SHC2: variants seen among roughly 807,000 people sequenced by gnomAD.
SHC2 encodes the protein SHC adaptor protein 2.
Under a neutral mutation model 60.6 loss-of-function variants are expected in SHC2, and 62 were observed. The ratio of observed to expected loss-of-function variants is 1.02; its 90% confidence interval spans 0.83 to 1.26. SHC2 has a LOEUF of 1.26. SHC2 is among the 50% of genes most tolerant of loss of function. SHC2 has a pLI of 0.00. For missense variants in SHC2, 873 were observed against 822.2 expected (o/e 1.06, Z -0.76); for synonymous variants, 375 against 372.4 (o/e 1.01, Z -0.08).
At chr19:435,307 C>T (rs114196282) in intron 7 of SHC2, among the ~76,000 whole-genome samples, 2,004 of 152,358 alleles carry the variant, frequency 0.013, 46 homozygotes, top group African/African-American at 0.045. Context: ...CCCCGAGAGC[C>T]AGAGGGGTGC....
chr19:439,525 T>C (rs985527468), intron 2 of SHC2: 1 of 172,842 alleles, frequency 5.8e-6, no homozygotes, highest in African/African-American at 2.6e-5. Flanking sequence ...AGACCACTGG[T>C]CCCCAGGAGA....
chr19:441,645 A>C lies in SHC2; in HGVS notation c.469-713T>G, dbSNP rs1417659462. On this transcript the variant is annotated intron_variant, in intron 1 of 12. Coordinates refer to ENST00000264554, the MANE Select transcript of SHC2 (RefSeq NM_012435.3). The surrounding 1 kb of genome is among the most constrained non-coding windows in gnomAD (Gnocchi z 4.9). ...TGAAATGTCCTACAGAGGCAGCAAG[A>C]GCATGTGTGGGTGCCAGGAGCCGGG... Among the ~76,000 whole-genome samples the C allele has an allele frequency of 6.6e-6, 1 of 152,192 alleles. No individual in the cohort carries two copies. Among genetic ancestry groups the C allele is most frequent in the African/African-American group, 2.4e-5 (1 of 41,452 alleles).
chr19:430,705 C>T lies in SHC2; in HGVS notation c.1153G>A (p.Asp385Asn), dbSNP rs1317521561. 6.2e-7 allele frequency: 1 copy of T among 1,612,984 alleles called. No homozygotes were observed. Among genetic ancestry groups the T allele is most frequent in the East Asian group, 2.2e-5 (1 of 44,900 alleles). The change falls in exon 9 of 13, where the codon GAC (aspartate) becomes AAC (asparagine). Residue 385 changes from aspartate (D) to asparagine (N), a missense_variant. Asp to Asn is a conservative substitution (Grantham distance 23). Transcript: ENST00000264554. ...SLRDACSLPW[D>N]VGSTGTAPPG... ...CTACCTGTACCGGTGGACCCCACGT[C>T]CCATGGCAGGCTGCAGGCATCTCTT...
intron 4 of SHC2, among the ~76,000 whole-genome samples, chr19:436,891 C>T (rs1974736703): frequency 6.6e-6 from 1 of 152,086 alleles, no homozygotes; most frequent in Non-Finnish European, 1.5e-5. Context: ...AAGGAAGGGA[C>T]TAGGGCCCTA....
In SHC2 at chr19:440,701, C is replaced by T. The variant is rs555792099; in HGVS notation, c.539+161G>A. Among the ~76,000 whole-genome samples, 52 of 152,274 alleles carry T rather than the reference C, an allele frequency of 3.4e-4. No individual in the cohort carries two copies. The East Asian group carries it at 5.4e-3, about 16-fold the overall frequency. ...ACCGACACCTGGCGTGGGGACAGGG[C>T]GGAGACGTGGCGTGAAGTGGGAGGG... is the stretch of plus-strand genomic sequence containing the variant. On this transcript the variant is annotated intron_variant, in intron 2 of 12. Coordinates refer to ENST00000264554, the MANE Select transcript of SHC2 (RefSeq NM_012435.3). The surrounding 1 kb of genome is among the most constrained non-coding windows in gnomAD (Gnocchi z 7.0).
At chr19:427,943 A>G (rs1486130419) in intron 9 of SHC2, among the ~76,000 whole-genome samples, 1 of 151,224 alleles carries the variant, frequency 6.6e-6, no homozygotes, top group African/African-American at 2.4e-5. Flanking sequence ...AAGGGAGGCC[A>G]CATGGCACAG....
intron 12 of SHC2, 121 bp downstream of exon 12, chr19:418,802 A>G: frequency 1.8e-6 from 2 of 1,085,292 alleles, no homozygotes; most frequent in Non-Finnish European, 2.5e-6. Flanking sequence ...GATGCTGAAC[A>G]CCCCTGAGTC....
chr19:434,519 T>TGAGTCA (rs367973759), intron 8 of SHC2, among the ~76,000 whole-genome samples, 190 bp downstream of exon 8: 1 of 1,774 alleles, frequency 5.6e-4, no homozygotes, highest in Non-Finnish European at 1.5e-3. Flanking sequence ...ATCGTGAGCC[T>TGAGTCA]GTGAGATTGT....
At chr19:421,153 C>G (rs2145686783) in intron 11 of SHC2, among the ~76,000 whole-genome samples, 1 of 152,008 alleles carries the variant, frequency 6.6e-6, no homozygotes, top group East Asian at 1.9e-4. Context: ...AATCCCAGCA[C>G]TTTGGGAGGC....
rs147685453 is a variant in SHC2, at chr19:456,118, T to C, written c.468+4411A>G. Among the ~76,000 whole-genome samples, 28 of 152,298 alleles carry C rather than the reference T, an allele frequency of 1.8e-4. No individual in the cohort carries two copies. In the East Asian group the frequency reaches 4.8e-3, roughly 26 times the overall value. On this transcript the variant is annotated intron_variant, in intron 1 of 12. Transcript: ENST00000264554. Reference sequence around the variant, plus strand: ...AGACACAGCTCGGCCTCTCTGTGCCTCAGTTTCCCTCAGTGCACAGGGTCC... The same window carrying C: ...AGACACAGCTCGGCCTCTCTGTGCCCCAGTTTCCCTCAGTGCACAGGGTCC...
chr19:418,901 A>G, intron 12 of SHC2, 22 bp downstream of exon 12: 1 of 1,575,638 alleles, frequency 6.3e-7, no homozygotes, highest in Non-Finnish European at 8.6e-7. Context: ...AAGGCCAGCG[A>G]CCCACGGCGG....
intron 9 of SHC2, among the ~76,000 whole-genome samples, chr19:427,321 C>T (rs933982643): frequency 2.0e-5 from 3 of 152,204 alleles, no homozygotes; most frequent in East Asian, 1.9e-4. Flanking sequence ...TTAAGGCCGG[C>T]GCTCCGTGAC....
chr19:418,537 A>G (rs900077379), intron 12 of SHC2, among the ~76,000 whole-genome samples: 1 of 152,230 alleles, frequency 6.6e-6, no homozygotes, highest in African/African-American at 2.4e-5. Context: ...AACAGGAGCC[A>G]GGCTCTGGCC....
At chr19:426,024 G>A (rs1233875243) in intron 9 of SHC2, among the ~76,000 whole-genome samples, 1 of 137,552 alleles carries the variant, frequency 7.3e-6, no homozygotes, top group African/African-American at 2.8e-5. Flanking sequence ...ATGAGACTCA[G>A]TCTCCAAAAA....
intron 2 of SHC2, chr19:439,231 A>G (rs1600300717): frequency 8.3e-6 from 3 of 362,982 alleles, no homozygotes; most frequent in South Asian, 7.2e-5. Context: ...GGGCTGGGGA[A>G]CCTGGGGGAG....
intron 1 of SHC2, among the ~76,000 whole-genome samples, chr19:454,509 G>A (rs555342845): frequency 2.0e-5 from 3 of 152,196 alleles, no homozygotes; most frequent in Non-Finnish European, 2.9e-5. Flanking sequence ...GAAATGGGCC[G>A]GACGCGACGG....
chr19:436,352 C>A, intron 6 of SHC2, 28 bp downstream of exon 6: 1 of 1,595,616 alleles, frequency 6.3e-7, no homozygotes, highest in Non-Finnish European at 8.6e-7. Context: ...AGCCACAGGA[C>A]CCCCACCGGC....
intron 8 of SHC2, among the ~76,000 whole-genome samples, chr19:434,220 TTGAG>T (rs776183290): frequency 1.7e-5 from 1 of 58,406 alleles, no homozygotes; most frequent in African/African-American, 7.4e-5. Context: ...GAGCCTGTGA[TTGAG>T]TGAGTGAGTG....
At chr19:427,008 A>C (rs1022034861) in intron 9 of SHC2, among the ~76,000 whole-genome samples, 1 of 152,208 alleles carries the variant, frequency 6.6e-6, no homozygotes, top group Non-Finnish European at 1.5e-5. Flanking sequence ...GGGTGTGGGC[A>C]CAGGGGCAGG....
Sources: allele counts gnomAD v4.1 joint callset (sites outside exome capture counted in the v4.1 genomes callset), GRCh38; gene constraint gnomAD v4.1.1; non-coding constraint Gnocchi (gnomAD v3.1); transcripts MANE v1.5; gene names NCBI Gene and HGNC (gene_info 2026-07-23, HGNC 2026-07-21).